KYNU: variants seen among roughly 807,000 people sequenced by gnomAD.
KYNU encodes kynureninase.
KYNU carries 54 observed loss-of-function variants against 59.2 expected under a neutral mutation model. That is an observed-to-expected ratio of 0.91 (90% CI 0.73 to 1.14). KYNU has a LOEUF of 1.14. Among genes scored for constraint, KYNU ranks in the 50% most tolerant of loss-of-function variants. The pLI is 0.00. For missense variants in KYNU, 567 were observed against 554.4 expected, an observed-to-expected ratio of 1.02 and a Z score of -0.23; for synonymous variants, 177 against 192.0, an observed-to-expected ratio of 0.92 and a Z score of 0.65.
rs755197597 is a variant in KYNU, at chr2:143,047,803, C to G, written c.*5631C>G. The G allele has an allele frequency of 6.6e-6, 1 of 151,844 alleles. No individual in the cohort carries two copies. Among genetic ancestry groups the G allele is most frequent in the Non-Finnish European group, 1.5e-5 (1 of 68,634 alleles). The allele number at this position is 151,844 out of a possible 1,614,324, so 9.4% of individuals were successfully genotyped here. On this transcript the variant is annotated 3_prime_UTR_variant, in exon 14 of 14. Transcript: ENST00000264170. ...CTCAAACTCCTGGCCTCAAGCAGTC[C>G]TCCCTCCTCAGCCTCCCATTACAGG...
chr2:142,960,438 A>T (rs917304872), intron 7 of KYNU, among the ~76,000 whole-genome samples, 186 bp from the exon 8 acceptor site: 1 of 152,200 alleles, frequency 6.6e-6, no homozygotes, highest in African/African-American at 2.4e-5. Context: ...CTTTTTAATT[A>T]TCATTTCTTA....
chr2:142,933,972 G>A (rs1448576127), intron 4 of KYNU, among the ~76,000 whole-genome samples: 2 of 152,184 alleles, frequency 1.3e-5, no homozygotes, highest in African/African-American at 4.8e-5. Context: ...CAGAAAAATG[G>A]GTGGTATTAG....
At chr2:142,959,541 G>A (rs1295299539) in intron 7 of KYNU, among the ~76,000 whole-genome samples, 2 of 151,364 alleles carry the variant, frequency 1.3e-5, no homozygotes, top group Middle Eastern at 3.4e-3. Context: ...AGCCAAGATC[G>A]CACCATTGCA....
Position 143,046,857 on chromosome 2 carries a change from A to G in KYNU, c.*4685A>G, listed in dbSNP as rs909373443. On this transcript the variant is annotated 3_prime_UTR_variant, in exon 14 of 14. Transcript: ENST00000264170. ...CCATAAAACCCCTGTTGGGATTTCA[A>G]TTGAACTGCAATTAAATTTTAGATC... The G allele has an allele frequency of 2.0e-5, 3 of 152,148 alleles. No homozygotes were observed. Among genetic ancestry groups the G allele is most frequent in the Non-Finnish European group, 2.9e-5 (2 of 68,026 alleles). The allele number at this position is 152,148 out of a possible 1,614,324, so 9.4% of individuals were successfully genotyped here.
intron 11 of KYNU, among the ~76,000 whole-genome samples, chr2:143,032,000 G>A (rs879312648): frequency 2.3e-4 from 35 of 151,836 alleles, no homozygotes; most frequent in Middle Eastern, 3.4e-3. Context: ...GTTTTTGGCC[G>A]GGCGTGGTGG....
intron 10 of KYNU, among the ~76,000 whole-genome samples, chr2:143,018,288 C>G (rs1398035641): frequency 1.3e-5 from 2 of 152,098 alleles, no homozygotes; most frequent in African/African-American, 4.8e-5. Context: ...TATATTTAAG[C>G]TTTTAATCCA....
chr2:142,920,682 G>T (rs1165136378), intron 3 of KYNU, among the ~76,000 whole-genome samples: 2 of 152,122 alleles, frequency 1.3e-5, no homozygotes, highest in East Asian at 3.8e-4. Flanking sequence ...ATTCAGAAAG[G>T]CTGTATATTT....
chr2:142,988,770 C>A, intron 10 of KYNU: 2 of 996,054 alleles, frequency 2.0e-6, no homozygotes, highest in Non-Finnish European at 3.2e-6. Flanking sequence ...AGTGACTGAT[C>A]TCAGTGCTGT....
rs186259581 is a variant in KYNU at position 142,950,717 on chromosome 2, G to A, written c.374-4093G>A. 7.2e-5 allele frequency among the ~76,000 whole-genome samples: 11 copies of A among 152,292 alleles called. No individual in the cohort carries two copies. The East Asian group carries it at 1.9e-3, about 27-fold the overall frequency. ...CTTTCTTATTGTTGTGTTCACTGAA[G>A]TAGCAATTTTAACTTCTTTCAAGAA... On this transcript the variant is annotated intron_variant, in intron 4 of 13. Transcript: ENST00000264170.
chr2:142,995,982 G>A (rs1270753955), intron 10 of KYNU, among the ~76,000 whole-genome samples: 1 of 151,968 alleles, frequency 6.6e-6, no homozygotes, highest in Non-Finnish European at 1.5e-5. Flanking sequence ...TCAAATATCT[G>A]CTTGCACTGT....
intron 10 of KYNU, among the ~76,000 whole-genome samples, chr2:143,022,107 A>G (rs545026709): frequency 6.6e-6 from 1 of 152,290 alleles, no homozygotes; most frequent in South Asian, 2.1e-4. Context: ...CTATTTTTAT[A>G]TCTGCCAAAT....
chr2:142,989,217 A>C, intron 10 of KYNU: 2 of 341,034 alleles, frequency 5.9e-6, no homozygotes, highest in Non-Finnish European at 5.0e-6. Flanking sequence ...TAAACTTTAG[A>C]GTCTGTATGA....
At chr2:142,935,026 C>G (rs1356722830) in intron 4 of KYNU, among the ~76,000 whole-genome samples, 5 of 152,200 alleles carry the variant, frequency 3.3e-5, no homozygotes, top group African/African-American at 9.7e-5. Flanking sequence ...TTTGAGACTA[C>G]CTGTGTTTTG....
chr2:142,970,237 G>C (rs1268484018), intron 8 of KYNU, among the ~76,000 whole-genome samples: 1 of 152,132 alleles, frequency 6.6e-6, no homozygotes, highest in Non-Finnish European at 1.5e-5. Context: ...TTTCGCAGCA[G>C]ATAATCTATC....
chr2:143,039,430 G>A (rs547824479), intron 12 of KYNU, among the ~76,000 whole-genome samples: 54 of 152,144 alleles, frequency 3.5e-4, no homozygotes, highest in African/African-American at 1.2e-3. Flanking sequence ...TCAAAAAGTG[G>A]TTTTGGGGAA....
intron 10 of KYNU, among the ~76,000 whole-genome samples, chr2:142,989,111 A>G (rs1318011721): frequency 6.6e-6 from 1 of 151,924 alleles, no homozygotes; most frequent in African/African-American, 2.4e-5. Flanking sequence ...TGTTACGACA[A>G]TGTTCCATAC....
At chr2:142,944,664 G>A (rs1683714959) in intron 4 of KYNU, among the ~76,000 whole-genome samples, 1 of 151,792 alleles carries the variant, frequency 6.6e-6, no homozygotes, top group Admixed American at 6.6e-5. Context: ...ATAAACTTTG[G>A]TTAACTTTTA....
chr2:143,033,283 C>T lies in KYNU; in HGVS notation c.1003C>T (p.Pro335Ser), dbSNP rs1281114078. Reference sequence around the variant, plus strand: ...CTGTGGATTCCGAATTTCAAATCCTCCCATTTTGTTGGTCTGTTCCTTGCA... The same window carrying T: ...CTGTGGATTCCGAATTTCAAATCCTTCCATTTTGTTGGTCTGTTCCTTGCA... ...GVCGFRISNP[P>S]ILLVCSLHAS... Residue 335 changes from proline to serine, a missense_variant, in exon 12 of 14, where the codon CCC becomes TCC. Transcript: ENST00000264170. 4 of 1,613,898 alleles carry T rather than the reference C, an allele frequency of 2.5e-6. No homozygotes were observed. The highest frequency in any genetic ancestry group is 3.4e-6 in the Non-Finnish European group (4 of 1,179,762).
At chr2:142,921,627 G>T (rs980261399) in intron 3 of KYNU, among the ~76,000 whole-genome samples, 2 of 152,088 alleles carry the variant, frequency 1.3e-5, no homozygotes, top group African/African-American at 4.8e-5. Flanking sequence ...GGGCAACATT[G>T]TGAGATCTCA....
Sources: gnomAD v4.1 joint callset for allele counts (sites outside exome capture counted in the v4.1 genomes callset) on GRCh38, gnomAD v4.1.1 for gene constraint, MANE v1.5 for transcripts, NCBI Gene and HGNC (gene_info 2026-07-23, HGNC 2026-07-21) for gene names.